Variants in SPAG1 observed in about 807,000 individuals in gnomAD.
The protein encoded by SPAG1 is sperm-associated antigen 1.
SPAG1 carries 69 observed loss-of-function variants against 100.5 expected under a neutral mutation model. The ratio of observed to expected loss-of-function variants is 0.69; its 90% CI spans 0.57 to 0.84. The LOEUF (loss-of-function observed/expected upper bound fraction) is 0.84. Among genes scored for constraint, SPAG1 ranks in the 40% least tolerant of loss-of-function variants. The pLI, the probability that SPAG1 is intolerant of heterozygous loss-of-function variation, is 0.00. For synonymous variants in SPAG1, 336 were observed against 411.6 expected, an observed-to-expected ratio of 0.82 and a Z score of 2.22; for missense variants, 955 against 1,133.1, an observed-to-expected ratio of 0.84 and a Z score of 2.26.
intron 12 of SPAG1, among the ~76,000 whole-genome samples, chr8:100,214,636 T>C (rs1390794638): frequency 5.9e-5 from 9 of 152,110 alleles, no homozygotes; most frequent in African/African-American, 2.2e-4. Flanking sequence ...ATAATCACTG[T>C]ACATATTTAT....
intron 8 of SPAG1, among the ~76,000 whole-genome samples, chr8:100,189,542 C>T (rs1276210236): frequency 6.6e-6 from 1 of 152,002 alleles, no homozygotes; most frequent in African/African-American, 2.4e-5. Flanking sequence ...GTAGTCCCAG[C>T]TACTTGGGAG....
intron 16 of SPAG1, among the ~76,000 whole-genome samples, chr8:100,235,761 C>T (rs1788188): frequency 0.31 from 47,175 of 151,770 alleles, 8,424 homozygotes; most frequent in East Asian, 0.5. Flanking sequence ...GCCAGGACCC[C>T]CGTGCTGCCC....
intron 3 of SPAG1, among the ~76,000 whole-genome samples, chr8:100,174,206 A>C (rs1011051364): frequency 1.7e-4 from 26 of 152,324 alleles, no homozygotes; most frequent in African/African-American, 6.3e-4. Context: ...TAACATGAAC[A>C]GTTGATTGAC....
chr8:100,193,600 C>T (rs879640331), intron 9 of SPAG1, among the ~76,000 whole-genome samples: 1 of 152,114 alleles, frequency 6.6e-6, no homozygotes, highest in Non-Finnish European at 1.5e-5. Flanking sequence ...TAAAATATTT[C>T]AGAATTTTCA....
intron 14 of SPAG1, among the ~76,000 whole-genome samples, chr8:100,227,607 A>C (rs971578550): frequency 3.9e-5 from 6 of 152,214 alleles, no homozygotes; most frequent in African/African-American, 1.4e-4. Flanking sequence ...TCTTATTAAC[A>C]AAATGCATAT....
intron 10 of SPAG1, among the ~76,000 whole-genome samples, chr8:100,201,622 C>T (rs1817279744): frequency 6.6e-6 from 1 of 152,152 alleles, no homozygotes; most frequent in African/African-American, 2.4e-5. Flanking sequence ...TTGTTACAGA[C>T]TTTTGTCATA....
intron 12 of SPAG1, among the ~76,000 whole-genome samples, chr8:100,215,741 G>T (rs1262087917): frequency 2.6e-5 from 4 of 152,192 alleles, no homozygotes; most frequent in African/African-American, 9.6e-5. Context: ...AGCCAGAATG[G>T]CCTTGATCTC....
chr8:100,165,842 C>T lies in SPAG1; in HGVS notation c.169C>T (p.Leu57Phe), dbSNP rs1394188764. The T allele has an allele frequency of 5.6e-6, 9 of 1,613,762 alleles. No homozygotes were observed. Among genetic ancestry groups the T allele is most frequent in the African/African-American group, 1.3e-5 (1 of 75,000 alleles). Residue 57 changes from leucine to phenylalanine, a missense_variant, in exon 3 of 19, where the codon CTT becomes TTT. Physicochemically the swap from Leu to Phe is conservative, Grantham distance 22. Transcript: ENST00000388798. ...RSGEEGYYPE[L>F]TEFCEKHLQA... ...TGGTGAGGAAGGATATTATCCTGAACTTACAGAATTTTGTGAAAAGCATCT... is the reference window on the plus strand; with the variant it reads ...TGGTGAGGAAGGATATTATCCTGAATTTACAGAATTTTGTGAAAAGCATCT...
intron 2 of SPAG1, 152 bp from the exon 3 acceptor site, chr8:100,165,662 T>C (rs1241593725): frequency 1.7e-6 from 1 of 588,042 alleles, no homozygotes; most frequent in African/African-American, 1.9e-5. Context: ...CGGGTAAAAA[T>C]GGAGACTATG....
intron 10 of SPAG1, among the ~76,000 whole-genome samples, chr8:100,210,156 G>A (rs1175564619): frequency 6.7e-6 from 1 of 149,464 alleles, no homozygotes; most frequent in East Asian, 1.9e-4. Flanking sequence ...ACTTTATTAT[G>A]TTGAGGAATT....
intron 14 of SPAG1, 117 bp downstream of exon 14, chr8:100,225,456 A>G (rs190473737): frequency 1.1e-6 from 1 of 885,560 alleles, no homozygotes; most frequent in South Asian, 1.7e-5. Context: ...GTTTAAGTGA[A>G]GTCCCTGTTC....
chr8:100,174,174 C>T (rs932362738), intron 3 of SPAG1, among the ~76,000 whole-genome samples: 3 of 152,130 alleles, frequency 2.0e-5, no homozygotes, highest in African/African-American at 7.2e-5. Context: ...GATAGTCTAT[C>T]GTTGACTGAA....
intron 3 of SPAG1, among the ~76,000 whole-genome samples, chr8:100,168,913 C>T (rs1815696577): frequency 6.6e-6 from 1 of 151,768 alleles, no homozygotes; most frequent in Non-Finnish European, 1.5e-5. Flanking sequence ...TCTCGAACTC[C>T]CAACCTCATG....
At chr8:100,202,570 C>T (rs1226451050) in intron 10 of SPAG1, among the ~76,000 whole-genome samples, 3 of 150,400 alleles carry the variant, frequency 2.0e-5, no homozygotes, top group Non-Finnish European at 3.0e-5. Context: ...ATTAGCCGGG[C>T]GTGGTAGCGG....
At position 100,216,047 on chromosome 8, in the gene SPAG1, G is replaced by C. The variant is rs149080958; in HGVS notation, c.1535+2129G>C. On this transcript the variant is annotated intron_variant, in intron 12 of 18. Coordinates refer to ENST00000388798, the MANE Select transcript of SPAG1 (RefSeq NM_003114.5). ...TTTGTGAGCTGGTTGATGTCAAGTTGATATTTTGAAATCTGCCATGGTGGG... is the reference window on the plus strand; with the variant it reads ...TTTGTGAGCTGGTTGATGTCAAGTTCATATTTTGAAATCTGCCATGGTGGG... Among the ~76,000 whole-genome samples the C allele has an allele frequency of 2.0e-3, 300 of 152,304 alleles. 2 individuals are homozygous for C. Among genetic ancestry groups the C allele is most frequent in the African/African-American group, 6.7e-3 (278 of 41,564 alleles).
At chr8:100,164,225 C>A (rs956140139) in intron 2 of SPAG1, among the ~76,000 whole-genome samples, 1 of 152,086 alleles carries the variant, frequency 6.6e-6, no homozygotes, top group African/African-American at 2.4e-5. Context: ...AAAAGGAAGT[C>A]CAAATTCTCT....
intron 16 of SPAG1, among the ~76,000 whole-genome samples, chr8:100,235,515 G>A (rs907420941): frequency 1.3e-5 from 2 of 152,152 alleles, no homozygotes; most frequent in Non-Finnish European, 2.9e-5. Context: ...ATAATGGGGA[G>A]CATTCAGGAG....
At chr8:100,192,108 A>G (rs1816841611) in intron 9 of SPAG1, among the ~76,000 whole-genome samples, 1 of 152,192 alleles carries the variant, frequency 6.6e-6, no homozygotes, top group African/African-American at 2.4e-5. Context: ...CAGGGGTGAC[A>G]TAGAGTGGCC....
Position 100,160,072 on chromosome 8 carries a change from T to C in SPAG1, c.-3+1456T>C, listed in dbSNP as rs569786614. On this transcript the variant is annotated intron_variant, in intron 1 of 18. Coordinates refer to ENST00000388798, the MANE Select transcript of SPAG1 (RefSeq NM_003114.5). Reference sequence around the variant, plus strand: ...AAATGAAGTAATATATGTAAAGTACTTAGAATGGTGCCTAGCACACATTAA... The same window carrying C: ...AAATGAAGTAATATATGTAAAGTACCTAGAATGGTGCCTAGCACACATTAA... Among the ~76,000 whole-genome samples, 4 of 152,334 alleles carry C rather than the reference T, an allele frequency of 2.6e-5. No individual in the cohort carries two copies. The East Asian group carries it at 5.8e-4, about 22-fold the overall frequency.
Sources: allele counts gnomAD v4.1 joint callset (sites outside exome capture counted in the v4.1 genomes callset), GRCh38; gene constraint gnomAD v4.1.1; transcripts MANE v1.5; gene names NCBI Gene and HGNC (gene_info 2026-07-23, HGNC 2026-07-21).